The following ZNF780A variants were observed in gnomAD, a reference collection of about 807,000 sequenced individuals.
ZNF780A encodes zinc finger protein 780A.
A neutral mutation model predicts 56.7 loss-of-function variants in ZNF780A; 40 were observed. The observed-to-expected ratio is 0.71, with a 90% confidence interval of 0.55 to 0.92. The LOEUF is 0.92. ZNF780A is among the 40% of genes least tolerant of loss of function. The pLI, the probability that ZNF780A is intolerant of heterozygous loss-of-function variation, is 0.00. For missense variants in ZNF780A, 672 were observed against 783.3 expected, an observed-to-expected ratio of 0.86 and a Z score of 1.70; for synonymous variants, 231 against 248.3, an observed-to-expected ratio of 0.93 and a Z score of 0.66.
intron 5 of ZNF780A, among the ~76,000 whole-genome samples, chr19:40,081,585 A>G (rs1974481480): frequency 6.6e-6 from 1 of 152,088 alleles, no homozygotes; most frequent in South Asian, 2.1e-4. Context: ...TTACTCCACT[A>G]AAAGGGGAAG....
rs754546551 is a variant in ZNF780A, at chr19:40,084,789, G to A, written c.-36C>T. ...TTACAAAACTGGTCAATCTTCCTCG[G>A]GCTTCTCCCCTGGAAAACAACAACA... is the stretch of plus-strand genomic sequence containing the variant. On this transcript the variant is annotated 5_prime_UTR_variant, in exon 3 of 6. Coordinates refer to ENST00000683561, the MANE Select transcript of ZNF780A (RefSeq NM_001142578.2). 19 of 1,553,072 alleles carry A rather than the reference G, an allele frequency of 1.2e-5. No homozygotes were observed. The South Asian group carries it at 1.8e-4, about 15-fold the overall frequency.
chr19:40,083,003 G>T, intron 4 of ZNF780A, 108 bp downstream of exon 4: 1 of 1,568,336 alleles, frequency 6.4e-7, no homozygotes, highest in South Asian at 1.1e-5. Flanking sequence ...TTGGGAACAA[G>T]AAGAAGGAAT....
downstream of ZNF780A, chr19:40,072,919 A>C: frequency 6.4e-7 from 1 of 1,550,936 alleles, no homozygotes; most frequent in Non-Finnish European, 8.7e-7. Context: ...CAGATTCTGC[A>C]ATGGATTCTC....
chr19:40,076,071 T>C lies in ZNF780A; in HGVS notation c.371A>G (p.Tyr124Cys), dbSNP rs1220629964. ...EAFYFRNDSEYRQFEGLQGYQ... is the reference protein window; with the variant it reads ...EAFYFRNDSECRQFEGLQGYQ... ...TCCCTGTAGTCCCTCAAATTGTCTA[T>C]ATTCTGAGTCATTTCTAAAATAAAA... is the stretch of plus-strand genomic sequence containing the variant. Residue 124 changes from tyrosine (Y) to cysteine (C), a missense_variant, in exon 6 of 6, where the codon TAT (tyrosine) becomes TGT (cysteine). Coordinates refer to ENST00000683561, the MANE Select transcript of ZNF780A (RefSeq NM_001142578.2). The C allele has an allele frequency of 6.2e-6, 10 of 1,613,852 alleles. No homozygotes were observed. Among genetic ancestry groups the C allele is most frequent in the East Asian group, 2.2e-5 (1 of 44,870 alleles).
At chr19:40,081,560 A>G (rs987554957) in intron 5 of ZNF780A, among the ~76,000 whole-genome samples, 2 of 151,816 alleles carry the variant, frequency 1.3e-5, no homozygotes, top group African/African-American at 4.8e-5. Flanking sequence ...TTACCCTGGG[A>G]AAAAAAGAGG....
Position 40,076,046 on chromosome 19 carries a change from T to C in ZNF780A, c.396A>G (p.Gly132=). Residue 132 remains glycine, a synonymous_variant, in exon 6 of 6, where the codon GGA becomes GGG. Coordinates refer to ENST00000683561, the MANE Select transcript of ZNF780A (RefSeq NM_001142578.2). ...SEYRQFEGLQ[G]YQEGNINQKM... ...TTTGATTGATATTTCCTTCTTGATA[T>C]CCCTGTAGTCCCTCAAATTGTCTAT... 1 of 1,613,884 alleles carries C rather than the reference T, an allele frequency of 6.2e-7. No individual in the cohort carries two copies. Among genetic ancestry groups the C allele is most frequent in the Non-Finnish European group, 8.5e-7 (1 of 1,179,958 alleles).
rs753892963 is a variant in ZNF780A, at chr19:40,081,797, C to T, written c.232+22G>A. The T allele has an allele frequency of 4.4e-6, 7 of 1,592,210 alleles. No individual in the cohort carries two copies. In the Admixed American group the frequency reaches 5.0e-5, roughly 11 times the overall value. On this transcript the variant is annotated intron_variant, in intron 5 of 5. Transcript: ENST00000683561. ...GTCCAGGACAATGATGGCTTCCCCC[C>T]GCCTGCTTTACCCTCACTTACCTGG... is the stretch of plus-strand genomic sequence containing the variant.
intron 2 of ZNF780A, among the ~76,000 whole-genome samples, chr19:40,088,184 A>G (rs1345172305): frequency 6.6e-6 from 1 of 152,208 alleles, no homozygotes; most frequent in African/African-American, 2.4e-5. Context: ...CAAGCTAAAA[A>G]GCTTCTGCAC....
At position 40,075,879 on chromosome 19, in the gene ZNF780A, G is replaced by A. The variant is rs773659650; in HGVS notation, c.563C>T (p.Thr188Ile). The A allele has an allele frequency of 1.9e-6, 3 of 1,614,112 alleles. No individual in the cohort carries two copies. Among genetic ancestry groups the A allele is most frequent in the Non-Finnish European group, 2.5e-6 (3 of 1,180,004 alleles). ...ANLIQHQSIH[T>I]GEKPFECKEC... The stretch of plus-strand genomic sequence containing the variant: ...CTTACATTCAAAGGGTTTCTCTCCA[G>A]TATGAATACTCTGATGCTGAATAAG... The change falls in exon 6 of 6, where the codon ACT (threonine) becomes ATT (isoleucine). Residue 188 changes from threonine (T) to isoleucine (I), a missense_variant. By Grantham distance (89) the Thr-to-Ile change is moderately conservative (BLOSUM62 -1). Transcript: ENST00000683561.
intron 2 of ZNF780A, among the ~76,000 whole-genome samples, chr19:40,085,948 G>T (rs1299758419): frequency 6.7e-6 from 1 of 150,342 alleles, no homozygotes; most frequent in East Asian, 1.9e-4. Context: ...ACACACACAC[G>T]TGTGTGTATA....
At position 40,075,339 on chromosome 19, in the gene ZNF780A, T is replaced by G. The variant is rs202177098; in HGVS notation, c.1103A>C (p.Lys368Thr). The change falls in exon 6 of 6, where the codon AAG becomes ACG. Residue 368 changes from lysine to threonine, a missense_variant. Transcript: ENST00000683561. ...EKPFECRECG[K>T]AFSLLNQLNR... ...AAGCTGGTTGAGAAGACTAAAGGCCTTCCCACATTCCCTGCATTCAAAGGG... is the reference window on the plus strand; with the variant it reads ...AAGCTGGTTGAGAAGACTAAAGGCCGTCCCACATTCCCTGCATTCAAAGGG... 1.2e-6 allele frequency: 2 copies of G among 1,613,882 alleles called. No individual in the cohort carries two copies. Among genetic ancestry groups the G allele is most frequent in the Admixed American group, 3.3e-5 (2 of 59,992 alleles).
chr19:40,079,826 A>G (rs923011799), intron 5 of ZNF780A, among the ~76,000 whole-genome samples: 13 of 152,192 alleles, frequency 8.5e-5, no homozygotes, highest in African/African-American at 2.9e-4. Context: ...GGGATACAGC[A>G]AAAGTACTGC....
chr19:40,074,892 G>C lies in ZNF780A; in HGVS notation c.1550C>G (p.Ser517Cys), dbSNP rs143056390. 3.6e-5 allele frequency: 58 copies of C among 1,612,066 alleles called. No individual in the cohort carries two copies. The African/African-American group carries it at 5.6e-4, about 16-fold the overall frequency. ...ACCTGTGTGAGTTTTCTGATGTTGG[G>C]AAAGTTGTAGGTAAAGTCTAAAAGC... ...GKAFRLYLQLSQHQKTHTGEK... is the reference protein window; with the variant it reads ...GKAFRLYLQLCQHQKTHTGEK... The change falls in exon 6 of 6, where the codon TCC (serine) becomes TGC (cysteine). Residue 517 changes from serine to cysteine, a missense_variant. By Grantham distance (112) the Ser-to-Cys change is moderately radical (BLOSUM62 -1). Transcript: ENST00000683561.
At chr19:40,080,487 T>C (rs1426678466) in intron 5 of ZNF780A, among the ~76,000 whole-genome samples, 1 of 152,222 alleles carries the variant, frequency 6.6e-6, no homozygotes, top group Non-Finnish European at 1.5e-5. Context: ...CACCAAGGAA[T>C]ACTATGCAAC....
In ZNF780A at chr19:40,074,363, C is replaced by A; in HGVS notation, c.*153G>T. ...CTCCTTGCATACAAAGAGTTTCTCA[C>A]TGGAATGAATTTTCTGATGCTGAAT... On this transcript the variant is annotated 3_prime_UTR_variant, in exon 6 of 6. Coordinates refer to ENST00000683561, the MANE Select transcript of ZNF780A (RefSeq NM_001142578.2). The A allele has an allele frequency of 6.5e-7, 1 of 1,532,028 alleles. No homozygotes were observed. The highest frequency in any genetic ancestry group is 2.3e-5 in the East Asian group (1 of 44,364). 94.9% of individuals were successfully genotyped at this position (1,532,028 alleles called of 1,614,324 possible). A position where few individuals can be genotyped will look rare whatever the true frequency, so the allele number is the denominator to read the frequency against.
At chr19:40,086,254 C>T (rs947184552) in intron 2 of ZNF780A, among the ~76,000 whole-genome samples, 2 of 148,616 alleles carry the variant, frequency 1.3e-5, no homozygotes, top group Non-Finnish European at 2.9e-5. Context: ...GGAGCAATCT[C>T]TAGAAAAAAT....
At chr19:40,072,707 TG>T, downstream of ZNF780A, 1 of 1,177,328 alleles carries the variant, frequency 8.5e-7, no homozygotes, top group Non-Finnish European at 1.1e-6. Flanking sequence ...TCTAGGTCAG[TG>T]GCTCTCTAAC....
rs752890884 is a variant in ZNF780A at position 40,074,482 on chromosome 19, G to C, written c.*34C>G. The C allele has an allele frequency of 5.6e-6, 9 of 1,608,828 alleles. No homozygotes were observed. In the African/African-American group the frequency reaches 1.2e-4, roughly 22 times the overall value. ...TACTCTGATGTTGAACATGGTTTGA[G>C]ACACGATTAAAGGACTTTCCACATT... On this transcript the variant is annotated 3_prime_UTR_variant, in exon 6 of 6. Transcript: ENST00000683561.
At chr19:40,079,157 C>G (rs1323602060) in intron 5 of ZNF780A, among the ~76,000 whole-genome samples, 3 of 151,832 alleles carry the variant, frequency 2.0e-5, no homozygotes, top group African/African-American at 7.3e-5. Context: ...ATATTCCATG[C>G]AAATGGAAAC....
Sources: gnomAD v4.1 joint callset for allele counts (sites outside exome capture counted in the v4.1 genomes callset) on GRCh38, gnomAD v4.1.1 for gene constraint, MANE v1.5 for transcripts, NCBI Gene and HGNC (gene_info 2026-07-23, HGNC 2026-07-21) for gene names.